The following SYNPR variants were observed in gnomAD, a reference collection of about 807,000 sequenced individuals.
SYNPR encodes synaptoporin.
SYNPR carries 23 observed loss-of-function variants against 32.9 expected under a neutral mutation model. That is an observed-to-expected ratio of 0.70 (90% CI 0.50 to 0.99). SYNPR has a LOEUF of 0.99. Among genes scored for constraint, SYNPR ranks in the 50% least tolerant of loss-of-function variants. The pLI, the probability that SYNPR is intolerant of heterozygous loss-of-function variation, is 0.00. For missense variants in SYNPR, 318 were observed against 349.3 expected (o/e 0.91, Z 0.71); for synonymous variants, 146 against 135.9 (o/e 1.07, Z -0.52).
At chr3:63,467,622 G>A (rs1700708695) in intron 2 of SYNPR, among the ~76,000 whole-genome samples, 1 of 152,172 alleles carries the variant, frequency 6.6e-6, no homozygotes. Flanking sequence ...ACAAACAGAA[G>A]CTCACTAAGT....
intron 2 of SYNPR, among the ~76,000 whole-genome samples, chr3:63,396,797 C>A (rs553849461): frequency 1.3e-5 from 2 of 152,258 alleles, no homozygotes; most frequent in South Asian, 4.1e-4. Flanking sequence ...GAGGGAACAG[C>A]CTAAAACTTT....
chr3:63,457,707 G>T (rs749582590), intron 2 of SYNPR, among the ~76,000 whole-genome samples: 37 of 152,106 alleles, frequency 2.4e-4, no homozygotes, highest in Non-Finnish European at 5.3e-4. Flanking sequence ...AAAAGAGGGA[G>T]AAGGTCACCT....
chr3:63,499,614 T>C (rs1408821239), intron 3 of SYNPR, among the ~76,000 whole-genome samples: 2 of 152,052 alleles, frequency 1.3e-5, no homozygotes, highest in Non-Finnish European at 2.9e-5. Context: ...AAGGAAAGTA[T>C]CAGAGGAACA....
upstream of SYNPR, among the ~76,000 whole-genome samples, chr3:63,276,553 G>C (rs1170795245): frequency 3.3e-5 from 5 of 152,128 alleles, no homozygotes; most frequent in African/African-American, 1.2e-4. Context: ...AAGAGGTTAA[G>C]TAACTTCCCC....
At chr3:63,540,058 A>G (rs894808392) in intron 3 of SYNPR, among the ~76,000 whole-genome samples, 3 of 152,120 alleles carry the variant, frequency 2.0e-5, no homozygotes, top group Non-Finnish European at 4.4e-5. Context: ...GAGCTACCAC[A>G]TGTGTCTGCT....
At chr3:63,570,418 A>T (rs911831607) in intron 4 of SYNPR, among the ~76,000 whole-genome samples, 1 of 152,202 alleles carries the variant, frequency 6.6e-6, no homozygotes, top group African/African-American at 2.4e-5. Flanking sequence ...CTAAGCGTTC[A>T]CATGCTCTTC....
intron 1 of SYNPR, among the ~76,000 whole-genome samples, chr3:63,235,136 A>T (rs74985653): frequency 0.019 from 2,946 of 152,256 alleles, 99 homozygotes; most frequent in African/African-American, 0.065. Context: ...ACCTGGGTAG[A>T]TCAAAGCAAA....
intron 2 of SYNPR, among the ~76,000 whole-genome samples, chr3:63,288,760 A>T (rs9815672): frequency 0.46 from 70,582 of 152,074 alleles, 16,568 homozygotes; most frequent in Middle Eastern, 0.52. Context: ...CTTGTGTGTA[A>T]GTGTTTACTA....
intron 3 of SYNPR, among the ~76,000 whole-genome samples, chr3:63,482,656 G>A (rs539282641): frequency 1.6e-4 from 25 of 152,292 alleles, no homozygotes; most frequent in African/African-American, 5.3e-4. Context: ...CTACTGTTAA[G>A]GAAGCAGTAT....
intron 2 of SYNPR, among the ~76,000 whole-genome samples, chr3:63,333,239 C>T (rs1355745681): frequency 1.3e-5 from 2 of 151,722 alleles, no homozygotes; most frequent in Non-Finnish European, 2.9e-5. Flanking sequence ...CTTTTCAGAA[C>T]CTTAATCAAC....
At chr3:63,301,160 C>A (rs1475201195) in intron 2 of SYNPR, among the ~76,000 whole-genome samples, 4 of 152,052 alleles carry the variant, frequency 2.6e-5, no homozygotes, top group Non-Finnish European at 5.9e-5. Flanking sequence ...ACTAATCTTT[C>A]CTTCATCATC....
intron 2 of SYNPR, among the ~76,000 whole-genome samples, chr3:63,402,565 G>T (rs1164486110): frequency 6.6e-6 from 1 of 152,154 alleles, no homozygotes; most frequent in Non-Finnish European, 1.5e-5. Flanking sequence ...AGGAAAAAAG[G>T]CCAGCCTATT....
At chr3:63,246,196 G>A (rs903823995) in intron 1 of SYNPR, among the ~76,000 whole-genome samples, 5 of 152,010 alleles carry the variant, frequency 3.3e-5, no homozygotes, top group Admixed American at 2.6e-4. Flanking sequence ...TGCTTTAATA[G>A]CAGGCACTGA....
chr3:63,532,373 A>G (rs763350213), intron 3 of SYNPR, among the ~76,000 whole-genome samples: 12 of 152,240 alleles, frequency 7.9e-5, no homozygotes, highest in African/African-American at 7.2e-5. Context: ...AAGTATTGCC[A>G]TGAGCAATAA....
intron 4 of SYNPR, among the ~76,000 whole-genome samples, chr3:63,579,688 T>G (rs1703054579): frequency 6.6e-6 from 1 of 152,106 alleles, no homozygotes; most frequent in East Asian, 1.9e-4. Context: ...TTGGTGTTTT[T>G]ATATGGTCCT....
rs77105568 is a variant in SYNPR, at chr3:63,468,440, C to T, written c.85-12392C>T. 8.4e-3 allele frequency among the ~76,000 whole-genome samples: 1,273 copies of T among 151,822 alleles called. 56 individuals carry two copies. The East Asian group carries it at 0.13, about 16-fold the overall frequency. On this transcript the variant is annotated intron_variant, in intron 2 of 5. Coordinates refer to ENST00000478300, the MANE Select transcript of SYNPR (RefSeq NM_001130003.2). ...GAGCTTAAGTGTGATGTTATTTATACTTGTGGCCTGTAGCTGGTAAGCTCT... is the reference window on the plus strand; with the variant it reads ...GAGCTTAAGTGTGATGTTATTTATATTTGTGGCCTGTAGCTGGTAAGCTCT...
chr3:63,482,608 C>T (rs1701070015), intron 3 of SYNPR, among the ~76,000 whole-genome samples: 2 of 152,158 alleles, frequency 1.3e-5, no homozygotes, highest in African/African-American at 4.8e-5. Context: ...AGCAAGAAAT[C>T]GTTTGCCACT....
upstream of SYNPR, among the ~76,000 whole-genome samples, chr3:63,275,731 C>G (rs77656647): frequency 5.1e-3 from 782 of 152,280 alleles, 5 homozygotes; most frequent in African/African-American, 0.018. Flanking sequence ...TATTATGATA[C>G]TTAAATGATG....
At position 63,472,007 on chromosome 3, in the gene SYNPR, C is replaced by T. The variant is rs115322538; in HGVS notation, c.85-8825C>T. Among the ~76,000 whole-genome samples, 1,497 of 152,302 alleles carry T rather than the reference C, an allele frequency of 9.8e-3. 22 individuals carry two copies. Among genetic ancestry groups the T allele is most frequent in the African/African-American group, 0.033 (1,384 of 41,560 alleles). ...TCATGCCAGACTAACTCCCTCCCCA[C>T]GGCAGCCTGCGATGCTGCGGAGTGG... On this transcript the variant is annotated intron_variant, in intron 2 of 5. Coordinates refer to ENST00000478300, the MANE Select transcript of SYNPR (RefSeq NM_001130003.2).
Sources: allele counts gnomAD v4.1 joint callset (sites outside exome capture counted in the v4.1 genomes callset), GRCh38; gene constraint gnomAD v4.1.1; transcripts MANE v1.5; gene names NCBI Gene and HGNC (gene_info 2026-07-23, HGNC 2026-07-21).